The following CARMIL1 variants were observed in gnomAD, a reference collection of about 807,000 sequenced individuals.
CARMIL1 encodes the protein F-actin-uncapping protein LRRC16A.
Under a neutral mutation model 177.1 loss-of-function variants are expected in CARMIL1, and 90 were observed. The observed-to-expected ratio is 0.51, with a 90% confidence interval of 0.43 to 0.61. The LOEUF (loss-of-function observed/expected upper bound fraction) is 0.61. CARMIL1 is among the 20% of genes least tolerant of loss of function. CARMIL1 has a pLI of 0.00. For synonymous variants in CARMIL1, 577 were observed against 606.2 expected (o/e 0.95, Z 0.71); for missense variants, 1,380 against 1,667.0 (o/e 0.83, Z 3.00).
At chr6:25,591,690 G>A (rs535834163) in intron 31 of CARMIL1, among the ~76,000 whole-genome samples, 2 of 152,144 alleles carry the variant, frequency 1.3e-5, no homozygotes, top group Non-Finnish European at 2.9e-5. Flanking sequence ...TGCTCTTCAC[G>A]TAGGCTGATG....
At chr6:25,292,503 G>T (rs549981664) in intron 2 of CARMIL1, among the ~76,000 whole-genome samples, 1 of 152,240 alleles carries the variant, frequency 6.6e-6, no homozygotes, top group Admixed American at 6.5e-5. Flanking sequence ...ACTAATCTCT[G>T]GGTAGGGGCT....
rs1169978819 is a variant in CARMIL1 at position 25,495,200 on chromosome 6, C to T, written c.1310C>T (p.Ser437Phe). ...MHINLSGTKL[S>F]PEPLKALLLG... The stretch of plus-strand genomic sequence containing the variant: ...ATCAACCTTTCAGGCACAAAACTGT[C>T]TCCTGAGCCCTTAAAGTGAGTGGTT... The change falls in exon 16 of 37, where the codon TCT becomes TTT. Residue 437 changes from serine (S) to phenylalanine (F), a missense_variant. Coordinates refer to ENST00000329474, the MANE Select transcript of CARMIL1 (RefSeq NM_017640.6). 6.2e-7 allele frequency: 1 copy of T among 1,609,378 alleles called. No individual in the cohort carries two copies. The highest frequency in any genetic ancestry group is 8.5e-7 in the Non-Finnish European group (1 of 1,177,434).
chr6:25,415,230 G>A (rs1023694567), intron 2 of CARMIL1, among the ~76,000 whole-genome samples: 2 of 151,742 alleles, frequency 1.3e-5, no homozygotes, highest in East Asian at 1.9e-4. Flanking sequence ...TGGCACCATC[G>A]TAGCTCACTG....
In CARMIL1 at chr6:25,449,933, A is replaced by G; in HGVS notation, c.407A>G (p.Glu136Gly). The G allele has an allele frequency of 6.2e-7, 1 of 1,611,676 alleles. No individual in the cohort carries two copies. The highest frequency in any genetic ancestry group is 8.5e-7 in the Non-Finnish European group (1 of 1,178,466). The part of the protein sequence containing the change: ...IMKKVSMEPS[E>G]RLASLQALWD... ...AAAAAAGTCTCCATGGAGCCATCTG[A>G]GCGCCTGGCTAGTCTCCAGGCGCTG... The change falls in exon 6 of 37, where the codon GAG becomes GGG. Residue 136 changes from glutamate to glycine, a missense_variant. By Grantham distance (98) the Glu-to-Gly change is moderately conservative (BLOSUM62 -2). Coordinates refer to ENST00000329474, the MANE Select transcript of CARMIL1 (RefSeq NM_017640.6).
chr6:25,402,371 T>G (rs1403173406), intron 2 of CARMIL1, among the ~76,000 whole-genome samples: 2 of 152,232 alleles, frequency 1.3e-5, no homozygotes, highest in Non-Finnish European at 2.9e-5. Flanking sequence ...TGGAATTGCA[T>G]GCAAAAACCA....
intron 5 of CARMIL1, among the ~76,000 whole-genome samples, chr6:25,437,975 C>T (rs943986765): frequency 6.6e-6 from 1 of 152,158 alleles, no homozygotes. Context: ...ATAATTCAAA[C>T]AGTATCTGTT....
intron 12 of CARMIL1, among the ~76,000 whole-genome samples, chr6:25,484,919 C>T (rs1802473972): frequency 6.6e-6 from 1 of 152,094 alleles, no homozygotes; most frequent in Admixed American, 6.6e-5. Context: ...ATCTGTAATT[C>T]TAGCCACCCA....
intron 5 of CARMIL1, among the ~76,000 whole-genome samples, chr6:25,447,212 A>G (rs1226343314): frequency 2.0e-5 from 3 of 152,262 alleles, no homozygotes; most frequent in Non-Finnish European, 4.4e-5. Context: ...GTATAATACA[A>G]TAAAATGAGG....
intron 2 of CARMIL1, among the ~76,000 whole-genome samples, chr6:25,397,136 G>C (rs1411601760): frequency 1.3e-5 from 2 of 152,156 alleles, no homozygotes; most frequent in African/African-American, 4.8e-5. Context: ...GAAAAGGTTT[G>C]CAGGCATATT....
chr6:25,383,662 C>G (rs1206094508), intron 2 of CARMIL1: 1 of 152,012 alleles, frequency 6.6e-6, no homozygotes, highest in East Asian at 1.9e-4. Context: ...TGGCCCCTGT[C>G]GAAGGATGAC....
At chr6:25,559,338 G>A (rs540302560) in intron 29 of CARMIL1, among the ~76,000 whole-genome samples, 1 of 152,232 alleles carries the variant, frequency 6.6e-6, no homozygotes, top group East Asian at 1.9e-4. Flanking sequence ...GGGGAAAAAA[G>A]TTTGCAGTCC....
intron 2 of CARMIL1, among the ~76,000 whole-genome samples, chr6:25,400,163 C>T (rs896287936): frequency 1.3e-4 from 20 of 152,310 alleles, no homozygotes; most frequent in African/African-American, 4.8e-4. Flanking sequence ...TCCTTAGCCT[C>T]AATTCCTTTC....
chr6:25,548,037 T>C (rs887185061), intron 26 of CARMIL1, among the ~76,000 whole-genome samples: 4 of 152,084 alleles, frequency 2.6e-5, no homozygotes, highest in Non-Finnish European at 4.4e-5. Context: ...GTGCAAAGCA[T>C]GGAAACAGAG....
In CARMIL1 at chr6:25,280,434, G is replaced by A. The variant is rs555185998; in HGVS notation, c.40+599G>A. Among the ~76,000 whole-genome samples, 8 of 152,258 alleles carry A rather than the reference G, an allele frequency of 5.3e-5. No individual in the cohort carries two copies. The East Asian group carries it at 1.5e-3, about 29-fold the overall frequency. Reference sequence around the variant, plus strand: ...CCAGCTGGGAGCGAAAGGGTTACAGGGCTGACGCAGACTCAGGCCAGGAAA... The same window carrying A: ...CCAGCTGGGAGCGAAAGGGTTACAGAGCTGACGCAGACTCAGGCCAGGAAA... On this transcript the variant is annotated intron_variant, in intron 1 of 36. Transcript: ENST00000329474.
At chr6:25,482,186 A>G (rs1802178789) in intron 11 of CARMIL1, 71 bp from the exon 12 acceptor site, 1 of 733,568 alleles carries the variant, frequency 1.4e-6, no homozygotes, top group Admixed American at 2.8e-5. Flanking sequence ...AATTAAGTTA[A>G]TTTTCATCCA....
At chr6:25,520,215 A>G (rs957404377) in intron 22 of CARMIL1, 29 bp from the exon 23 acceptor site, 87 of 1,053,150 alleles carry the variant, frequency 8.3e-5, no homozygotes, top group Non-Finnish European at 1.2e-4. Context: ...TTATTTTTAA[A>G]TAAGTATATT....
intron 2 of CARMIL1, among the ~76,000 whole-genome samples, chr6:25,351,409 T>C: frequency 6.6e-6 from 1 of 152,232 alleles, no homozygotes; most frequent in East Asian, 1.9e-4. Flanking sequence ...ACAGAGCTGC[T>C]CTAGATTCTG....
At chr6:25,387,318 G>A (rs1052690818) in intron 2 of CARMIL1, among the ~76,000 whole-genome samples, 11 of 152,108 alleles carry the variant, frequency 7.2e-5, no homozygotes, top group African/African-American at 2.4e-4. Flanking sequence ...CAGCATTTGG[G>A]CCACAACTTT....
chr6:25,517,547 G>A (rs1328424672), intron 22 of CARMIL1, 132 bp downstream of exon 22: 1 of 645,278 alleles, frequency 1.5e-6, no homozygotes, highest in East Asian at 2.8e-5. Context: ...TTAGTCTACA[G>A]CTAACCAGCT....
Sources: gnomAD v4.1 joint callset for allele counts (sites outside exome capture counted in the v4.1 genomes callset) on GRCh38, gnomAD v4.1.1 for gene constraint, MANE v1.5 for transcripts, NCBI Gene and HGNC (gene_info 2026-07-23, HGNC 2026-07-21) for gene names.